Variants in PPARGC1A observed in about 807,000 individuals in gnomAD.
The protein encoded by PPARGC1A is PPARG coactivator 1 alpha.
Under a neutral mutation model 88.7 loss-of-function variants are expected in PPARGC1A, and 25 were observed. The ratio of observed to expected loss-of-function variants is 0.28; its 90% CI spans 0.21 to 0.39. PPARGC1A has a LOEUF of 0.39. Ranked by LOEUF, PPARGC1A falls within the 10% of genes least tolerant of loss-of-function variation. The pLI is 1.00. For missense variants in PPARGC1A, 880 were observed against 968.7 expected (o/e 0.91, Z 1.22); for synonymous variants, 363 against 355.6 (o/e 1.02, Z -0.24).
the PPARGC1A span, among the ~76,000 whole-genome samples, chr4:23,917,331 G>A: frequency 4.0e-5 from 6 of 151,502 alleles, no homozygotes; most frequent in Non-Finnish European, 8.8e-5. Flanking sequence ...TCAGCTCCTT[G>A]CTATTAGGAA....
the PPARGC1A span, among the ~76,000 whole-genome samples, chr4:24,368,242 T>C: frequency 6.6e-6 from 1 of 152,162 alleles, no homozygotes; most frequent in African/African-American, 2.4e-5. Flanking sequence ...GCATCAAAAC[T>C]GGACTCCTTC....
chr4:23,970,655 T>C, the PPARGC1A span, among the ~76,000 whole-genome samples: 1 of 152,176 alleles, frequency 6.6e-6, no homozygotes, highest in African/African-American at 2.4e-5. Context: ...GCTATGTTCT[T>C]TGCCTTGATC....
the PPARGC1A span, among the ~76,000 whole-genome samples, chr4:24,305,846 T>C: frequency 7.2e-5 from 11 of 152,136 alleles, no homozygotes; most frequent in African/African-American, 2.7e-4. Context: ...GCCATTATCA[T>C]TATTGGGATG....
chr4:24,212,721 G>C, the PPARGC1A span, among the ~76,000 whole-genome samples: 1 of 152,198 alleles, frequency 6.6e-6, no homozygotes, highest in Admixed American at 6.5e-5. Flanking sequence ...GAACCACAAG[G>C]CCTGCTTCTA....
At chr4:24,352,115 T>A in the PPARGC1A span, among the ~76,000 whole-genome samples, 2 of 152,016 alleles carry the variant, frequency 1.3e-5, no homozygotes, top group South Asian at 4.2e-4. Flanking sequence ...GGACTTGAAC[T>A]ATACAGAGCC....
At chr4:24,276,187 A>G in the PPARGC1A span, among the ~76,000 whole-genome samples, 1 of 152,284 alleles carries the variant, frequency 6.6e-6, no homozygotes, top group East Asian at 1.9e-4. Context: ...AATCACCTGA[A>G]TCCCTCCAGT....
the PPARGC1A span, among the ~76,000 whole-genome samples, chr4:24,019,852 C>T: frequency 2.0e-5 from 3 of 152,262 alleles, no homozygotes; most frequent in South Asian, 6.2e-4. Flanking sequence ...AAAGGGAATA[C>T]CACAAAAGAA....
intron 10 of PPARGC1A, among the ~76,000 whole-genome samples, chr4:23,804,926 T>A (rs570982505): frequency 6.6e-6 from 1 of 152,286 alleles, no homozygotes; most frequent in Admixed American, 6.5e-5. Flanking sequence ...TGGAAAACTC[T>A]CCTTTCCAAT....
chr4:24,153,507 G>T, the PPARGC1A span, among the ~76,000 whole-genome samples: 1 of 152,142 alleles, frequency 6.6e-6, no homozygotes, highest in Non-Finnish European at 1.5e-5. Flanking sequence ...GCAGACATGT[G>T]TACACTGGGC....
the PPARGC1A span, among the ~76,000 whole-genome samples, chr4:24,319,206 T>C: frequency 6.6e-6 from 1 of 152,040 alleles, no homozygotes; most frequent in East Asian, 1.9e-4. Flanking sequence ...ATTAGCTGTG[T>C]GTGGTGCATG....
chr4:23,828,129 T>C (rs1724323002), intron 5 of PPARGC1A, among the ~76,000 whole-genome samples: 1 of 152,168 alleles, frequency 6.6e-6, no homozygotes, highest in Non-Finnish European at 1.5e-5. Context: ...CATATAAACA[T>C]CATGTGATGT....
chr4:24,227,361 A>C, the PPARGC1A span, among the ~76,000 whole-genome samples: 1 of 152,222 alleles, frequency 6.6e-6, no homozygotes, highest in East Asian at 1.9e-4. Flanking sequence ...TGCTAGGATT[A>C]CAGGTTCCAT....
chr4:24,158,369 C>T, the PPARGC1A span, among the ~76,000 whole-genome samples: 1 of 152,288 alleles, frequency 6.6e-6, no homozygotes, highest in East Asian at 1.9e-4. Context: ...TTCCGCCAAA[C>T]TCCACAAGAG....
the PPARGC1A span, among the ~76,000 whole-genome samples, chr4:24,116,621 C>T: frequency 3.3e-5 from 5 of 152,168 alleles, no homozygotes; most frequent in Admixed American, 6.5e-5. Context: ...CCACCCAATG[C>T]AACGATCTGG....
the PPARGC1A span, among the ~76,000 whole-genome samples, chr4:24,233,116 G>A: frequency 1.7e-5 from 1 of 58,572 alleles, no homozygotes. Flanking sequence ...GAAAAAATGT[G>A]TCTCCAAAGT....
chr4:23,861,964 T>G (rs1165282004), intron 2 of PPARGC1A, among the ~76,000 whole-genome samples: 1 of 152,224 alleles, frequency 6.6e-6, no homozygotes, highest in Non-Finnish European at 1.5e-5. Context: ...TTATCAATAC[T>G]TGGTAATTGC....
chr4:24,079,755 T>C, the PPARGC1A span, among the ~76,000 whole-genome samples: 4 of 152,062 alleles, frequency 2.6e-5, no homozygotes, highest in African/African-American at 9.7e-5. Context: ...GAAATTTAAT[T>C]TGTAGCATTT....
chr4:23,996,974 T>C, the PPARGC1A span, among the ~76,000 whole-genome samples: 3 of 152,194 alleles, frequency 2.0e-5, no homozygotes, highest in African/African-American at 7.2e-5. Context: ...TGGTGTTCAT[T>C]AAGACTCAGA....
the PPARGC1A span, among the ~76,000 whole-genome samples, chr4:24,087,378 C>T: frequency 6.6e-6 from 1 of 152,188 alleles, no homozygotes; most frequent in African/African-American, 2.4e-5. Flanking sequence ...AGGAGTTCAT[C>T]TTCTTGTGGG....
Sources: gnomAD v4.1 joint callset for allele counts (sites outside exome capture counted in the v4.1 genomes callset) on GRCh38, gnomAD v4.1.1 for gene constraint, MANE v1.5 for transcripts, NCBI Gene and HGNC (gene_info 2026-07-23, HGNC 2026-07-21) for gene names.